The following PRR5L variants were observed in gnomAD, a reference collection of about 807,000 sequenced individuals.
PRR5L encodes proline-rich protein 5-like.
PRR5L carries 21 observed loss-of-function variants against 36.4 expected under a neutral mutation model. The ratio of observed to expected loss-of-function variants is 0.58; its 90% confidence interval spans 0.41 to 0.83. The LOEUF (loss-of-function observed/expected upper bound fraction) is 0.83. Ranked by LOEUF, PRR5L falls within the 40% of genes least tolerant of loss-of-function variation. PRR5L has a pLI of 0.00. For missense variants in PRR5L, 381 were observed against 473.3 expected (o/e 0.80, Z 1.81); for synonymous variants, 188 against 197.0 (o/e 0.95, Z 0.38).
At chr11:36,342,002 G>A (rs184204703) in intron 1 of PRR5L, among the ~76,000 whole-genome samples, 41 of 152,344 alleles carry the variant, frequency 2.7e-4, no homozygotes, top group African/African-American at 9.4e-4. Context: ...TTTGGTCCAC[G>A]CTGTGATTCC....
intron 1 of PRR5L, among the ~76,000 whole-genome samples, chr11:36,301,363 G>A (rs1856374508): frequency 6.6e-6 from 1 of 152,222 alleles, no homozygotes. Context: ...TTGAGCATCA[G>A]AGGCGTCAAG....
At chr11:36,462,251 C>T (rs1378423823) in intron 8 of PRR5L, 91 bp from the exon 9 acceptor site, 8 of 1,294,014 alleles carry the variant, frequency 6.2e-6, no homozygotes, top group Non-Finnish European at 8.3e-6. Context: ...AAAGGTTGAG[C>T]ACCTTGTTCT....
At chr11:36,325,345 G>C (rs1331973376) in intron 1 of PRR5L, among the ~76,000 whole-genome samples, 1 of 152,230 alleles carries the variant, frequency 6.6e-6, no homozygotes, top group Non-Finnish European at 1.5e-5. Context: ...GGAAGTCAGC[G>C]GCAGGTCTGC....
chr11:36,393,279 C>T (rs1245174675), intron 1 of PRR5L, among the ~76,000 whole-genome samples: 1 of 152,108 alleles, frequency 6.6e-6, no homozygotes, highest in African/African-American at 2.4e-5. Flanking sequence ...TGGAGAGTTT[C>T]CCTAATGCTT....
At chr11:36,387,173 C>T (rs1016178645) in intron 1 of PRR5L, among the ~76,000 whole-genome samples, 1 of 151,964 alleles carries the variant, frequency 6.6e-6, no homozygotes, top group African/African-American at 2.4e-5. Flanking sequence ...ATAGAGAAAT[C>T]GGTGATGGGC....
At chr11:36,369,584 G>A (rs893095504) in intron 1 of PRR5L, among the ~76,000 whole-genome samples, 1 of 151,884 alleles carries the variant, frequency 6.6e-6, no homozygotes, top group Non-Finnish European at 1.5e-5. Flanking sequence ...GGATAACTCT[G>A]GGAATTTATT....
At chr11:36,373,874 T>C (rs1857222493) in intron 1 of PRR5L, among the ~76,000 whole-genome samples, 1 of 152,162 alleles carries the variant, frequency 6.6e-6, no homozygotes, top group Admixed American at 6.5e-5. Flanking sequence ...GCTAAATAAG[T>C]TCATTTCTAT....
At chr11:36,311,171 T>A (rs1037286450) in intron 1 of PRR5L, among the ~76,000 whole-genome samples, 1 of 152,124 alleles carries the variant, frequency 6.6e-6, no homozygotes, top group African/African-American at 2.4e-5. Flanking sequence ...TCAAGGGTGT[T>A]CAAAGTTTCT....
At chr11:36,373,686 C>G (rs544605232) in intron 1 of PRR5L, among the ~76,000 whole-genome samples, 2 of 152,014 alleles carry the variant, frequency 1.3e-5, no homozygotes, top group Non-Finnish European at 1.5e-5. Context: ...CTTTAAACTT[C>G]CCTTTCAGTC....
chr11:36,386,317 G>A (rs945190806), intron 1 of PRR5L, among the ~76,000 whole-genome samples: 1 of 152,066 alleles, frequency 6.6e-6, no homozygotes, highest in Non-Finnish European at 1.5e-5. Flanking sequence ...TTAAAAATAC[G>A]TTAAAAATAA....
rs1857283622 is a variant in PRR5L at position 36,377,325 on chromosome 11, G to T, written c.-125-23672G>T. 2.0e-5 allele frequency among the ~76,000 whole-genome samples: 3 copies of T among 152,224 alleles called. No homozygotes were observed. The South Asian group carries it at 6.2e-4, about 31-fold the overall frequency. On this transcript the variant is annotated intron_variant, in intron 1 of 8. Coordinates refer to ENST00000530639, the MANE Select transcript of PRR5L (RefSeq NM_001160167.2). This position sits in a 1 kb window ranked among gnomAD's most constrained non-coding sequence, Gnocchi z 5.1. ...CGGGACGGGCTGTGAGCAAGCCCTG[G>T]GACGGCCCGGCTGCGGACCCCGCGC... is the stretch of plus-strand genomic sequence containing the variant.
intron 6 of PRR5L, among the ~76,000 whole-genome samples, chr11:36,440,605 A>G (rs1182488847): frequency 6.6e-6 from 1 of 152,214 alleles, no homozygotes; most frequent in Admixed American, 6.5e-5. Context: ...CCAAAGAGGA[A>G]CAAAGTGGTT....
At chr11:36,389,189 T>TG (rs34188605) in intron 1 of PRR5L, among the ~76,000 whole-genome samples, 121,602 of 152,030 alleles carry the variant, frequency 0.8, 48,799 homozygotes, top group East Asian at 0.9. Context: ...ATACATTTGT[T>TG]GGTCAGAGGG....
intron 1 of PRR5L, among the ~76,000 whole-genome samples, chr11:36,298,145 C>T (rs549756847): frequency 2.0e-5 from 3 of 152,156 alleles, no homozygotes; most frequent in East Asian, 3.9e-4. Context: ...TAAGCAGTGC[C>T]GTATTAGTTT....
At chr11:36,391,055 C>G (rs1170127050) in intron 1 of PRR5L, among the ~76,000 whole-genome samples, 1 of 152,066 alleles carries the variant, frequency 6.6e-6, no homozygotes, top group Non-Finnish European at 1.5e-5. Flanking sequence ...GTAAAAGAGG[C>G]CATCTCTCTT....
chr11:36,427,285 G>T (rs763760298), intron 4 of PRR5L, among the ~76,000 whole-genome samples: 2 of 152,136 alleles, frequency 1.3e-5, no homozygotes, highest in Non-Finnish European at 2.9e-5. Flanking sequence ...TCATTTATGG[G>T]GTGGGGAGAG....
intron 1 of PRR5L, among the ~76,000 whole-genome samples, chr11:36,301,294 G>A (rs1180449426): frequency 6.6e-6 from 1 of 152,186 alleles, no homozygotes. Context: ...CTGAAGCAGA[G>A]TTGTGACCAG....
chr11:36,384,223 G>A (rs1008656009), intron 1 of PRR5L, among the ~76,000 whole-genome samples: 10 of 152,130 alleles, frequency 6.6e-5, no homozygotes, highest in African/African-American at 1.9e-4. Flanking sequence ...TTAGTGTTAT[G>A]GGCAAGGAAG....
chr11:36,347,762 C>T (rs536100187), intron 1 of PRR5L, among the ~76,000 whole-genome samples: 3 of 151,812 alleles, frequency 2.0e-5, no homozygotes, highest in East Asian at 2.0e-4. Context: ...CATGTAAGGG[C>T]GAGATCCTTA....
Sources: allele counts gnomAD v4.1 joint callset (sites outside exome capture counted in the v4.1 genomes callset), GRCh38; gene constraint gnomAD v4.1.1; non-coding constraint Gnocchi (gnomAD v3.1); transcripts MANE v1.5; gene names NCBI Gene and HGNC (gene_info 2026-07-23, HGNC 2026-07-21).